Variants in ZNF469 observed in about 807,000 individuals in gnomAD.
ZNF469 encodes the protein zinc finger protein 469.
ZNF469 carries 1 observed loss-of-function variant against 1.0 expected under a neutral mutation model. The ratio of observed to expected loss-of-function variants is 1.00; its 90% CI spans 0.35 to 4.73. The LOEUF is 4.73. ZNF469 is among the 30% of genes most tolerant of loss of function. The pLI, the probability that ZNF469 is intolerant of heterozygous loss-of-function variation, is 0.16. For synonymous variants in ZNF469, 2,703 were observed against 2,363.4 expected (o/e 1.14, Z -4.17); for missense variants, 6,100 against 5,356.3 (o/e 1.14, Z -4.33).
Position 88,435,495 on chromosome 16 carries a change from G to A in ZNF469, c.8025G>A (p.Pro2675=), listed in dbSNP as rs1245123145. 1.5e-5 allele frequency: 23 copies of A among 1,549,076 alleles called. 1 individual carries two copies. Among genetic ancestry groups the A allele is most frequent in the East Asian group, 2.4e-5 (1 of 40,922 alleles). The change falls in exon 3 of 3, where the codon CCG becomes CCA. Residue 2675 remains proline, a synonymous_variant. Coordinates refer to ENST00000565624, the MANE Select transcript of ZNF469 (RefSeq NM_001367624.2). ...SPAMASYAAS[P]SHCLSVEGGP... is the part of the protein sequence containing the mutation. ...CAATGGCCAGTTACGCAGCCTCTCC[G>A]AGCCACTGCCTCTCTGTGGAAGGAG... is the stretch of plus-strand genomic sequence containing the variant.
chr16:88,157,464 C>G, the ZNF469 span, among the ~76,000 whole-genome samples: 1 of 152,114 alleles, frequency 6.6e-6, no homozygotes, highest in African/African-American at 2.4e-5. Context: ...GGTGAGGGCT[C>G]TCCTCTGTGT....
At chr16:88,313,432 C>T in the ZNF469 span, among the ~76,000 whole-genome samples, 1 of 152,224 alleles carries the variant, frequency 6.6e-6, no homozygotes, top group Non-Finnish European at 1.5e-5. Context: ...ATGTTCAATC[C>T]TAGTGAATAT....
At chr16:88,269,120 A>T in the ZNF469 span, among the ~76,000 whole-genome samples, 1 of 152,204 alleles carries the variant, frequency 6.6e-6, no homozygotes, top group African/African-American at 2.4e-5. Flanking sequence ...TCTTTCCATG[A>T]GGAGCAGGTG....
At chr16:88,258,290 T>G in the ZNF469 span, among the ~76,000 whole-genome samples, 1 of 152,208 alleles carries the variant, frequency 6.6e-6, no homozygotes. Context: ...TGAATTACTG[T>G]GTCACAGAGG....
chr16:88,223,735 C>T, the ZNF469 span, among the ~76,000 whole-genome samples: 2 of 152,240 alleles, frequency 1.3e-5, no homozygotes, highest in African/African-American at 4.8e-5. Context: ...AAGCAGCTTT[C>T]CGCTGCCTCT....
the ZNF469 span, among the ~76,000 whole-genome samples, chr16:88,332,873 G>A: frequency 0.098 from 14,845 of 152,232 alleles, 959 homozygotes; most frequent in South Asian, 0.17. Flanking sequence ...GCCCCGGGTT[G>A]CCCCTTGAGT....
At chr16:88,278,954 T>C in the ZNF469 span, among the ~76,000 whole-genome samples, 1 of 151,376 alleles carries the variant, frequency 6.6e-6, no homozygotes, top group Non-Finnish European at 1.5e-5. Context: ...AGCGTGTAGA[T>C]ATCATTAGTG....
chr16:88,357,583 C>T, the ZNF469 span, among the ~76,000 whole-genome samples: 3 of 152,260 alleles, frequency 2.0e-5, no homozygotes, highest in South Asian at 2.1e-4. Flanking sequence ...AGCAGGCAGG[C>T]GGGGGCCTGG....
At chr16:88,191,014 G>C in the ZNF469 span, among the ~76,000 whole-genome samples, 2 of 151,594 alleles carry the variant, frequency 1.3e-5, no homozygotes, top group African/African-American at 4.9e-5. Context: ...TGTTATAGCA[G>C]TGCTAGGGGC....
the ZNF469 span, among the ~76,000 whole-genome samples, chr16:88,303,779 T>C: frequency 1.4e-4 from 21 of 152,068 alleles, no homozygotes; most frequent in South Asian, 4.1e-4. Flanking sequence ...TGCTAAGGGG[T>C]GGGCTCCTCA....
rs1292891188 is a variant in ZNF469 at position 88,428,527 on chromosome 16, G to C, written c.1057G>C (p.Gly353Arg). 7 of 1,549,874 alleles carry C rather than the reference G, an allele frequency of 4.5e-6. No homozygotes were observed. The highest frequency in any genetic ancestry group is 6.1e-6 in the Non-Finnish European group (7 of 1,146,826). The change falls in exon 3 of 3, where the codon GGT (glycine) becomes CGT (arginine). Residue 353 changes from glycine to arginine, a missense_variant. Physicochemically the swap from Gly to Arg is moderately radical, Grantham distance 125. Coordinates refer to ENST00000565624, the MANE Select transcript of ZNF469 (RefSeq NM_001367624.2). ...CCTGAACCGCCACAGCGACCTCAGT[G>C]GTGCCCTCTCTTCCCCTGGAGCTGC... ...GGLNRHSDLS[G>R]ALSSPGAAHS...
chr16:88,324,432 G>A, the ZNF469 span, among the ~76,000 whole-genome samples: 4 of 152,372 alleles, frequency 2.6e-5, no homozygotes, highest in Admixed American at 6.5e-5. Context: ...GTGAACACAC[G>A]TGTGGCCAGG....
chr16:88,247,402 AAGTG>A, the ZNF469 span, among the ~76,000 whole-genome samples: 427 of 145,816 alleles, frequency 2.9e-3, 1 homozygote, highest in Middle Eastern at 4.5e-3. Flanking sequence ...ATCAGTAAAT[AAGTG>A]AGTGAGTGAA....
At chr16:88,289,968 G>A in the ZNF469 span, among the ~76,000 whole-genome samples, 1 of 152,204 alleles carries the variant, frequency 6.6e-6, no homozygotes, top group African/African-American at 2.4e-5. Flanking sequence ...TGGAGCCTGA[G>A]GCTGTGTCAG....
At chr16:88,209,258 T>C in the ZNF469 span, among the ~76,000 whole-genome samples, 2 of 152,064 alleles carry the variant, frequency 1.3e-5, no homozygotes, top group Non-Finnish European at 2.9e-5. Flanking sequence ...GGTCTCTGGG[T>C]TGTTCTTCCG....
At chr16:88,208,507 GA>G in the ZNF469 span, among the ~76,000 whole-genome samples, 1 of 98,452 alleles carries the variant, frequency 1.0e-5, no homozygotes, top group Non-Finnish European at 2.0e-5. Flanking sequence ...AGGGAGGGAG[GA>G]GAGGTGGGAG....
the ZNF469 span, among the ~76,000 whole-genome samples, chr16:88,203,030 G>C: frequency 6.6e-6 from 1 of 152,324 alleles, no homozygotes; most frequent in East Asian, 1.9e-4. Context: ...CGTAGGGAGA[G>C]TGGTCAAATC....
At chr16:88,376,388 G>A in the ZNF469 span, among the ~76,000 whole-genome samples, 1 of 152,252 alleles carries the variant, frequency 6.6e-6, no homozygotes, top group Non-Finnish European at 1.5e-5. Flanking sequence ...TCCGGGGTGA[G>A]AGGGGGAGGG....
chr16:88,224,892 C>T, the ZNF469 span, among the ~76,000 whole-genome samples: 29 of 152,352 alleles, frequency 1.9e-4, no homozygotes, highest in Non-Finnish European at 1.9e-4. Context: ...GGCTCAGGAT[C>T]TGCTGTGCTC....
Sources: allele counts gnomAD v4.1 joint callset (sites outside exome capture counted in the v4.1 genomes callset), GRCh38; gene constraint gnomAD v4.1.1; transcripts MANE v1.5; gene names NCBI Gene and HGNC (gene_info 2026-07-23, HGNC 2026-07-21).